Variants in CEACAM4 observed in about 807,000 individuals in gnomAD.
The protein encoded by CEACAM4 is cell adhesion molecule CEACAM4.
In CEACAM4, 30 loss-of-function variants were observed where a neutral mutation model predicts 28.7. The ratio of observed to expected loss-of-function variants is 1.05; its 90% CI spans 0.78 to 1.42. CEACAM4 has a LOEUF of 1.42. Among genes scored for constraint, CEACAM4 ranks in the 40% most tolerant of loss-of-function variants. CEACAM4 has a pLI of 0.00. For synonymous variants in CEACAM4, 143 were observed against 126.5 expected, an observed-to-expected ratio of 1.13 and a Z score of -0.87; for missense variants, 330 against 308.2, an observed-to-expected ratio of 1.07 and a Z score of -0.53.
downstream of CEACAM4, among the ~76,000 whole-genome samples, chr19:41,616,634 C>A (rs1282162473): frequency 6.6e-6 from 1 of 152,076 alleles, no homozygotes; most frequent in Non-Finnish European, 1.5e-5. Context: ...GCCTCTGACA[C>A]CAAGCACAAG....
chr19:41,625,529 C>T, intron 2 of CEACAM4, 72 bp downstream of exon 2: 1 of 1,522,290 alleles, frequency 6.6e-7, no homozygotes, highest in Non-Finnish European at 8.8e-7. Context: ...AGGCACAGCC[C>T]AGGCCTGACA....
chr19:41,615,006 G>C (rs112243172), downstream of CEACAM4, among the ~76,000 whole-genome samples: 1 of 152,022 alleles, frequency 6.6e-6, no homozygotes, highest in Non-Finnish European at 1.5e-5. Context: ...TTTGGGCATT[G>C]CAGGCAACAT....
intron 3 of CEACAM4, 74 bp downstream of exon 3, chr19:41,621,577 C>A (rs2071289530): frequency 5.2e-6 from 4 of 769,332 alleles, no homozygotes; most frequent in Admixed American, 2.2e-5. Flanking sequence ...GCCCTGAATA[C>A]AGGGCGGGGT....
At position 41,625,834 on chromosome 19, in the gene CEACAM4, G is replaced by T. The variant is rs782342734; in HGVS notation, c.191C>A (p.Ala64Asp). The change falls in exon 2 of 7, where the codon GCC becomes GAC. Residue 64 changes from alanine (A) to aspartate (D), a missense_variant. Ala to Asp is a moderately radical substitution (Grantham distance 126). Transcript: ENST00000221954. Reference protein sequence around the residue: ...LACNISETIQAYYWHKGKTAE... With the variant: ...LACNISETIQDYYWHKGKTAE... ...CGTTTTCCCCTTGTGCCAATAATAG[G>T]CTTGAATAGTTTCTGAAATATTGCA... The T allele has an allele frequency of 6.2e-7, 1 of 1,613,940 alleles. No homozygotes were observed. Among genetic ancestry groups the T allele is most frequent in the Admixed American group, 1.7e-5 (1 of 60,000 alleles).
intron 1 of CEACAM4, among the ~76,000 whole-genome samples, 168 bp downstream of exon 1, chr19:41,626,732 C>T (rs1014988386): frequency 3.9e-5 from 6 of 152,258 alleles, no homozygotes; most frequent in African/African-American, 1.4e-4. Context: ...TGACCCCTGC[C>T]CCTCTCTGAT....
chr19:41,626,861 C>T (rs2071697653), intron 1 of CEACAM4, 39 bp downstream of exon 1: 1 of 1,579,212 alleles, frequency 6.3e-7, no homozygotes, highest in Non-Finnish European at 8.7e-7. Flanking sequence ...AGTCTCTGTG[C>T]TCCCTCTTCC....
chr19:41,625,125 G>C (rs1221729041), intron 2 of CEACAM4, among the ~76,000 whole-genome samples: 1 of 152,224 alleles, frequency 6.6e-6, no homozygotes, highest in Non-Finnish European at 1.5e-5. Flanking sequence ...CTGATGAGAA[G>C]CTTCAGGAAC....
At chr19:41,618,014 G>T (rs1415653268), downstream of CEACAM4, among the ~76,000 whole-genome samples, 3 of 152,206 alleles carry the variant, frequency 2.0e-5, no homozygotes, top group South Asian at 2.1e-4. Flanking sequence ...TGTGGCAGTG[G>T]CAGAACACTC....
At chr19:41,615,789 T>C (rs553479356), downstream of CEACAM4, among the ~76,000 whole-genome samples, 2 of 152,220 alleles carry the variant, frequency 1.3e-5, no homozygotes, top group African/African-American at 2.4e-5. Flanking sequence ...AGCCCTCCAT[T>C]GTACCCTGAG....
At chr19:41,620,685 A>C in intron 3 of CEACAM4, 58 bp from the exon 4 acceptor site, 1 of 1,406,196 alleles carries the variant, frequency 7.1e-7, no homozygotes, top group East Asian at 2.3e-5. Flanking sequence ...GTTTAGGGGC[A>C]GAATAAAGGA....
chr19:41,613,678 GA>G, the CEACAM4 span, among the ~76,000 whole-genome samples: 1 of 152,110 alleles, frequency 6.6e-6, no homozygotes, highest in Non-Finnish European at 1.5e-5. Context: ...GCAGACATGA[GA>G]TCCAGGTAAT....
intron 6 of CEACAM4, 99 bp from the exon 7 acceptor site, chr19:41,619,494 G>A: frequency 6.3e-7 from 1 of 1,577,632 alleles, no homozygotes; most frequent in Non-Finnish European, 8.6e-7. Context: ...CTCTGGGGCT[G>A]AACCTGGCTG....
chr19:41,619,612 G>T (rs2071128471), intron 6 of CEACAM4, 58 bp downstream of exon 6: 1 of 1,569,338 alleles, frequency 6.4e-7, no homozygotes, highest in Non-Finnish European at 8.6e-7. Context: ...TGCTGGTGGG[G>T]GCAGATCCTG....
At chr19:41,624,612 C>G (rs898789123) in intron 2 of CEACAM4, among the ~76,000 whole-genome samples, 3 of 152,238 alleles carry the variant, frequency 2.0e-5, no homozygotes, top group Non-Finnish European at 4.4e-5. Flanking sequence ...CTGAGGTCCA[C>G]AGACACCTAG....
At chr19:41,613,739 T>C in the CEACAM4 span, among the ~76,000 whole-genome samples, 1 of 152,068 alleles carries the variant, frequency 6.6e-6, no homozygotes, top group Non-Finnish European at 1.5e-5. Context: ...GGGGCAGTCA[T>C]ACGGGCTGTA....
At chr19:41,617,011 A>G (rs1235084883), downstream of CEACAM4, among the ~76,000 whole-genome samples, 2 of 152,210 alleles carry the variant, frequency 1.3e-5, no homozygotes, top group Non-Finnish European at 2.9e-5. Context: ...TATGGATTAG[A>G]GAAGAATAGC....
At chr19:41,624,402 A>G (rs929502) in intron 2 of CEACAM4, among the ~76,000 whole-genome samples, 42,927 of 152,068 alleles carry the variant, frequency 0.28, 6,458 homozygotes, top group East Asian at 0.41. Flanking sequence ...AACACACGAA[A>G]CCATTTCATG....
chr19:41,620,272 G>T (rs908302558), intron 4 of CEACAM4, 30 bp from the exon 5 acceptor site: 8 of 1,446,468 alleles, frequency 5.5e-6, no homozygotes, highest in Non-Finnish European at 6.4e-6. Flanking sequence ...TGAGCAGCAG[G>T]GTGGGAGGAG....
At position 41,625,715 on chromosome 19, in the gene CEACAM4, T is replaced by C. The variant is rs1555803634; in HGVS notation, c.310A>G (p.Asn104Asp). Reference protein sequence around the residue: ...AYSGRETVYPNGSLLFQNITL... With the variant: ...AYSGRETVYPDGSLLFQNITL... Reference sequence around the variant, plus strand: ...ATGTTTTGGAACAGCAGGGATCCATTGGGGTATACTGTCTCTCGACCACTG... The same window carrying C: ...ATGTTTTGGAACAGCAGGGATCCATCGGGGTATACTGTCTCTCGACCACTG... Residue 104 changes from asparagine (N) to aspartate (D), a missense_variant, in exon 2 of 7, where the codon AAT becomes GAT. Transcript: ENST00000221954. 6.2e-7 allele frequency: 1 copy of C among 1,614,026 alleles called. No homozygotes were observed. The highest frequency in any genetic ancestry group is 8.5e-7 in the Non-Finnish European group (1 of 1,179,964).
Sources: allele counts gnomAD v4.1 joint callset (sites outside exome capture counted in the v4.1 genomes callset), GRCh38; gene constraint gnomAD v4.1.1; transcripts MANE v1.5; gene names NCBI Gene and HGNC (gene_info 2026-07-23, HGNC 2026-07-21).